SPATA6: variants seen among roughly 807,000 people sequenced by gnomAD.
The protein encoded by SPATA6 is spermatogenesis associated 6.
SPATA6 carries 56 observed loss-of-function variants against 65.3 expected under a neutral mutation model. The observed-to-expected ratio is 0.86, with a 90% confidence interval of 0.69 to 1.07. SPATA6 has a LOEUF of 1.07. SPATA6 is among the 50% of genes least tolerant of loss of function. The pLI is 0.00. For missense variants in SPATA6, 590 were observed against 594.8 expected, an observed-to-expected ratio of 0.99 and a Z score of 0.08; for synonymous variants, 199 against 213.2, an observed-to-expected ratio of 0.93 and a Z score of 0.58.
rs1393956006 is a variant in SPATA6 at position 48,296,427 on chromosome 1, T to C, written c.*2286A>G. ...ATCCATAGGAAAACATCTTTCAGAG[T>C]ATTAGTTTCTAAAGTTTCCCTTTCA... On this transcript the variant is annotated 3_prime_UTR_variant, in exon 13 of 13. Transcript: ENST00000371847. 2 of 152,146 alleles carry C rather than the reference T, an allele frequency of 1.3e-5. No homozygotes were observed. Among genetic ancestry groups the C allele is most frequent in the Non-Finnish European group, 2.9e-5 (2 of 68,022 alleles). 9.4% of individuals were successfully genotyped at this position (152,146 alleles called of 1,614,324 possible). A position where few individuals can be genotyped will look rare whatever the true frequency, so the allele number is the denominator to read the frequency against.
chr1:48,357,680 T>C (rs1229784154), intron 10 of SPATA6, among the ~76,000 whole-genome samples: 2 of 152,138 alleles, frequency 1.3e-5, no homozygotes, highest in East Asian at 3.8e-4. Flanking sequence ...TAGTGACCTA[T>C]AAAAAGCCAT....
chr1:48,325,787 G>C (rs1287416565), intron 11 of SPATA6: 2 of 448,472 alleles, frequency 4.5e-6, no homozygotes, highest in East Asian at 1.0e-4. Context: ...TGAGACCCTG[G>C]AATCAGTCGG....
intron 11 of SPATA6, among the ~76,000 whole-genome samples, chr1:48,322,748 A>T (rs1418790954): frequency 1.3e-5 from 2 of 152,232 alleles, no homozygotes; most frequent in Non-Finnish European, 2.9e-5. Flanking sequence ...ACCCCATCAA[A>T]AAATGGGTGA....
intron 11 of SPATA6, among the ~76,000 whole-genome samples, chr1:48,310,868 A>G (rs904038337): frequency 6.6e-6 from 1 of 152,210 alleles, no homozygotes; most frequent in African/African-American, 2.4e-5. Flanking sequence ...CTGAAATCAT[A>G]CAAAATATGT....
At chr1:48,352,004 T>C (rs796574089) in intron 11 of SPATA6, among the ~76,000 whole-genome samples, 2 of 152,070 alleles carry the variant, frequency 1.3e-5, no homozygotes, top group South Asian at 4.1e-4. Flanking sequence ...TATTAGTCCA[T>C]TTTCATGCTG....
At chr1:48,335,935 C>A in intron 11 of SPATA6, among the ~76,000 whole-genome samples, 1 of 151,462 alleles carries the variant, frequency 6.6e-6, no homozygotes, top group Admixed American at 6.6e-5. Flanking sequence ...AACACATAAG[C>A]AAAAAATGAA....
rs142266245 is a variant in SPATA6, at chr1:48,305,795, G to A, written c.1278C>T (p.Pro426=). The A allele has an allele frequency of 2.7e-5, 43 of 1,608,792 alleles. 1 individual carries two copies. The highest frequency in any genetic ancestry group is 2.1e-4 in the African/African-American group (16 of 74,742). The change falls in exon 12 of 13, where the codon CCC becomes CCT. Residue 426 remains proline, a synonymous_variant. Transcript: ENST00000371847. ...LCRDSAYDSD[P]EYSSCQQPRG... is the part of the protein sequence containing the mutation. The stretch of plus-strand genomic sequence containing the variant: ...ATATATTTCATTCATACCTATACTC[G>A]GGGTCACTGTCATAGGCAGAGTCTC...
chr1:48,403,712 C>T (rs1005856469), intron 6 of SPATA6, 90 bp downstream of exon 6: 8 of 1,025,882 alleles, frequency 7.8e-6, no homozygotes, highest in Non-Finnish European at 1.1e-5. Flanking sequence ...GTGAAAAGAG[C>T]TGCAGCCAAA....
the SPATA6 span, among the ~76,000 whole-genome samples, chr1:48,285,491 A>C: frequency 3.3e-5 from 5 of 151,980 alleles, no homozygotes; most frequent in East Asian, 9.6e-4. Context: ...AAAAAAAAAA[A>C]AAAAAACTCC....
chr1:48,409,697 C>G (rs980975660), intron 5 of SPATA6, among the ~76,000 whole-genome samples: 3 of 152,252 alleles, frequency 2.0e-5, no homozygotes, highest in African/African-American at 7.2e-5. Flanking sequence ...TTCTTGATTT[C>G]TGTGCACTTG....
At chr1:48,461,332 C>T (rs988613438) in intron 1 of SPATA6, among the ~76,000 whole-genome samples, 2 of 152,112 alleles carry the variant, frequency 1.3e-5, no homozygotes, top group Non-Finnish European at 2.9e-5. Flanking sequence ...TGCAGAAGCT[C>T]TTTAGTTTAA....
At chr1:48,304,956 G>A (rs925055445) in intron 12 of SPATA6, among the ~76,000 whole-genome samples, 1 of 152,062 alleles carries the variant, frequency 6.6e-6, no homozygotes, top group Non-Finnish European at 1.5e-5. Flanking sequence ...TCTTTGGATT[G>A]CTTCACCTTC....
intron 1 of SPATA6, among the ~76,000 whole-genome samples, chr1:48,457,252 C>T (rs532012073): frequency 7.9e-5 from 12 of 151,680 alleles, no homozygotes; most frequent in African/African-American, 2.4e-4. Flanking sequence ...GCCAACATGG[C>T]GAAACCCCAT....
At position 48,468,172 on chromosome 1, in the gene SPATA6, G is replaced by A. The variant is rs528284034; in HGVS notation, c.51+3786C>T. On this transcript the variant is annotated intron_variant, in intron 1 of 12. Transcript: ENST00000371847. The stretch of plus-strand genomic sequence containing the variant: ...GGAAGCAACCTAAGTGTCCATCAAC[G>A]AATGAATGGATAAAGAAAATGTGGT... 2.1e-3 allele frequency among the ~76,000 whole-genome samples: 318 copies of A among 152,198 alleles called. 1 individual carries two copies. The highest frequency in any genetic ancestry group is 3.5e-3 in the Admixed American group (53 of 15,288).
intron 11 of SPATA6, among the ~76,000 whole-genome samples, chr1:48,335,312 C>A (rs1406926182): frequency 1.3e-5 from 2 of 150,178 alleles, no homozygotes; most frequent in Non-Finnish European, 3.0e-5. Context: ...AAAAAAAGAA[C>A]CTGAAAAGCC....
downstream of SPATA6, among the ~76,000 whole-genome samples, chr1:48,291,193 C>G (rs138021742): frequency 5.4e-3 from 829 of 152,340 alleles, 25 homozygotes; most frequent in Admixed American, 0.047. Context: ...GTTAAGTTCA[C>G]TGGTTTTGTG....
At chr1:48,270,799 A>G in the SPATA6 span, among the ~76,000 whole-genome samples, 2 of 152,014 alleles carry the variant, frequency 1.3e-5, no homozygotes, top group African/African-American at 4.8e-5. Context: ...TTAGAGGAGA[A>G]TATGTTATCC....
intron 5 of SPATA6, 114 bp from the exon 6 acceptor site, chr1:48,403,996 TGTTA>T (rs1293987851): frequency 2.4e-5 from 17 of 702,140 alleles, no homozygotes; most frequent in South Asian, 1.6e-4. Flanking sequence ...GCTGTTTCAC[TGTTA>T]GTTTGAACTT....
At chr1:48,390,141 C>T (rs1019052367) in intron 8 of SPATA6, among the ~76,000 whole-genome samples, 3 of 152,022 alleles carry the variant, frequency 2.0e-5, no homozygotes, top group South Asian at 2.1e-4. Flanking sequence ...TATTCACAGT[C>T]GCCAAAACAT....
Sources: gnomAD v4.1 joint callset for allele counts (sites outside exome capture counted in the v4.1 genomes callset) on GRCh38, gnomAD v4.1.1 for gene constraint, MANE v1.5 for transcripts, NCBI Gene and HGNC (gene_info 2026-07-23, HGNC 2026-07-21) for gene names.